FHIT: variants seen among roughly 807,000 people sequenced by gnomAD.
FHIT encodes bis(5'-adenosyl)-triphosphatase.
In FHIT, 19 loss-of-function variants were observed where a neutral mutation model predicts 17.9. The ratio of observed to expected loss-of-function variants is 1.06; its 90% CI spans 0.74 to 1.56. The LOEUF is 1.56. Among genes scored for constraint, FHIT ranks in the 40% most tolerant of loss-of-function variants. The probability of loss-of-function intolerance (pLI) is 0.00; values close to 1 mark genes in which losing one functional copy is unlikely to be tolerated. For synonymous variants in FHIT, 81 were observed against 69.7 expected (o/e 1.16, Z -0.81); for missense variants, 248 against 189.2 (o/e 1.31, Z -1.82).
chr3:60,881,355 C>T (rs149428142), intron 3 of FHIT, among the ~76,000 whole-genome samples: 228 of 152,288 alleles, frequency 1.5e-3, no homozygotes, highest in African/African-American at 5.0e-3. Flanking sequence ...GGGGACCCCA[C>T]TCTCATCACT....
intron 8 of FHIT, among the ~76,000 whole-genome samples, chr3:59,845,971 C>T (rs929836982): frequency 6.6e-6 from 1 of 152,098 alleles, no homozygotes; most frequent in African/African-American, 2.4e-5. Context: ...AACCTATTTG[C>T]ATCACTGGTT....
At chr3:60,237,299 C>T (rs1704852587) in intron 5 of FHIT, among the ~76,000 whole-genome samples, 1 of 130,554 alleles carries the variant, frequency 7.7e-6, no homozygotes. Context: ...CTGATGATAG[C>T]ACCTATTTCC....
chr3:60,189,179 C>G (rs746513597), intron 5 of FHIT, among the ~76,000 whole-genome samples: 1 of 142,294 alleles, frequency 7.0e-6, no homozygotes. Flanking sequence ...TTTTCTCTGA[C>G]AAGTCAAATA....
chr3:59,792,430 A>C (rs1198196315), intron 8 of FHIT, among the ~76,000 whole-genome samples: 1 of 152,200 alleles, frequency 6.6e-6, no homozygotes, highest in Non-Finnish European at 1.5e-5. Context: ...CTGTGATCTG[A>C]AAATTGTGAA....
chr3:61,200,865 C>T (rs2106675298), intron 1 of FHIT, among the ~76,000 whole-genome samples, 200 bp from the exon 2 acceptor site: 1 of 152,298 alleles, frequency 6.6e-6, no homozygotes, highest in South Asian at 2.1e-4. Flanking sequence ...GTGCACACAT[C>T]TACCCAGAAT....
At chr3:60,457,787 C>T (rs1165327351) in intron 5 of FHIT, among the ~76,000 whole-genome samples, 3 of 150,940 alleles carry the variant, frequency 2.0e-5, no homozygotes, top group Non-Finnish European at 4.4e-5. Context: ...TGAACAGACA[C>T]TTCTCAAAAG....
chr3:59,797,055 A>G (rs972599341), intron 8 of FHIT, among the ~76,000 whole-genome samples: 1 of 152,234 alleles, frequency 6.6e-6, no homozygotes, highest in African/African-American at 2.4e-5. Flanking sequence ...TCATATATTT[A>G]ACATCATTGC....
intron 5 of FHIT, among the ~76,000 whole-genome samples, chr3:60,517,110 G>A (rs987901956): frequency 1.2e-4 from 18 of 152,094 alleles, no homozygotes; most frequent in African/African-American, 4.3e-4. Flanking sequence ...CAAATTCCAA[G>A]GTATCTCTTA....
intron 5 of FHIT, among the ~76,000 whole-genome samples, chr3:60,246,871 C>A (rs1194962354): frequency 6.6e-6 from 1 of 152,100 alleles, no homozygotes; most frequent in Admixed American, 6.6e-5. Context: ...CAAAATGATT[C>A]TCCTAAACAG....
In FHIT at chr3:61,209,619, G is replaced by C. The variant is rs576175838; in HGVS notation, c.-212-8954C>G. 5.0e-4 allele frequency among the ~76,000 whole-genome samples: 76 copies of C among 152,188 alleles called. 1 individual carries two copies. In the South Asian group the frequency reaches 8.7e-3, roughly 17 times the overall value. ...TTGATCGCATCGGCTACTGAGGCTT[G>C]TGCGTTCGTCACGTGGTTCTCGTGC... On this transcript the variant is annotated intron_variant, in intron 1 of 9. Transcript: ENST00000492590.
intron 2 of FHIT, among the ~76,000 whole-genome samples, chr3:61,197,334 A>G (rs143218022): frequency 6.6e-6 from 1 of 152,352 alleles, no homozygotes; most frequent in East Asian, 1.9e-4. Context: ...AATCTTGCAC[A>G]GAGTCACAAA....
At chr3:59,949,540 C>A (rs1164553592) in intron 7 of FHIT, among the ~76,000 whole-genome samples, 1 of 152,186 alleles carries the variant, frequency 6.6e-6, no homozygotes, top group Non-Finnish European at 1.5e-5. Context: ...AGATATGTAT[C>A]CTAAGCATTT....
intron 5 of FHIT, among the ~76,000 whole-genome samples, chr3:60,054,474 C>A (rs1026364176): frequency 3.4e-4 from 51 of 152,188 alleles, no homozygotes; most frequent in African/African-American, 1.2e-3. Context: ...TGATGTACCA[C>A]TCCCATCCCA....
chr3:61,049,708 G>C (rs1161309536), intron 2 of FHIT, among the ~76,000 whole-genome samples: 1 of 152,088 alleles, frequency 6.6e-6, no homozygotes, highest in Non-Finnish European at 1.5e-5. Flanking sequence ...AGTGGTGATT[G>C]GGTTCAGGAC....
intron 5 of FHIT, among the ~76,000 whole-genome samples, chr3:60,229,035 G>T (rs1207200499): frequency 6.6e-6 from 1 of 152,122 alleles, no homozygotes; most frequent in African/African-American, 2.4e-5. Context: ...ACTGCCTCCT[G>T]ACCCACATAT....
intron 7 of FHIT, among the ~76,000 whole-genome samples, chr3:59,955,683 T>C (rs1418235453): frequency 6.6e-6 from 1 of 152,222 alleles, no homozygotes; most frequent in East Asian, 1.9e-4. Flanking sequence ...TTAAATGGTA[T>C]TGATACTCAA....
At chr3:60,727,434 G>A (rs1313005619) in intron 4 of FHIT, among the ~76,000 whole-genome samples, 3 of 152,144 alleles carry the variant, frequency 2.0e-5, no homozygotes, top group Non-Finnish European at 4.4e-5. Flanking sequence ...ACATAATTAT[G>A]ATAAGACTAA....
At chr3:60,067,290 C>G (rs965561162) in intron 5 of FHIT, among the ~76,000 whole-genome samples, 2 of 151,926 alleles carry the variant, frequency 1.3e-5, no homozygotes, top group Admixed American at 6.6e-5. Context: ...AGCACTATGC[C>G]AGCCATACAA....
At chr3:60,844,574 C>T (rs1428656247) in intron 3 of FHIT, among the ~76,000 whole-genome samples, 1 of 152,210 alleles carries the variant, frequency 6.6e-6, no homozygotes, top group Middle Eastern at 3.4e-3. Context: ...ACCAAATATG[C>T]TTCACTATTA....
Sources: gnomAD v4.1 joint callset for allele counts (sites outside exome capture counted in the v4.1 genomes callset) on GRCh38, gnomAD v4.1.1 for gene constraint, MANE v1.5 for transcripts, NCBI Gene and HGNC (gene_info 2026-07-23, HGNC 2026-07-21) for gene names.